SLC2A13: variants seen among roughly 807,000 people sequenced by gnomAD.
SLC2A13 encodes proton myo-inositol cotransporter.
Under a neutral mutation model 64.4 loss-of-function variants are expected in SLC2A13, and 32 were observed. The observed-to-expected ratio is 0.50, with a 90% CI of 0.37 to 0.67. SLC2A13 has a LOEUF of 0.67. Among genes scored for constraint, SLC2A13 ranks in the 30% least tolerant of loss-of-function variants. The pLI, the probability that SLC2A13 is intolerant of heterozygous loss-of-function variation, is 0.00. For missense variants in SLC2A13, 743 were observed against 829.2 expected (o/e 0.90, Z 1.28); for synonymous variants, 338 against 327.1 (o/e 1.03, Z -0.36).
chr12:40,094,285 A>C (rs1938865064), intron 1 of SLC2A13, among the ~76,000 whole-genome samples: 1 of 152,178 alleles, frequency 6.6e-6, no homozygotes, highest in South Asian at 2.1e-4. Context: ...GCTGAAATCT[A>C]GATTTGGGAG....
intron 4 of SLC2A13, among the ~76,000 whole-genome samples, chr12:39,936,100 A>G (rs1772861963): frequency 6.6e-6 from 1 of 152,236 alleles, no homozygotes; most frequent in African/African-American, 2.4e-5. Context: ...AAGATGAGAC[A>G]TAATTGATTT....
chr12:39,878,640 G>C (rs190588590), intron 4 of SLC2A13, among the ~76,000 whole-genome samples: 48 of 152,334 alleles, frequency 3.2e-4, no homozygotes, highest in African/African-American at 1.1e-3. Flanking sequence ...ATCCTCAGAT[G>C]AGGGAGAAAA....
At chr12:39,872,612 G>C (rs1275689506) in intron 4 of SLC2A13, among the ~76,000 whole-genome samples, 2 of 152,324 alleles carry the variant, frequency 1.3e-5, no homozygotes, top group East Asian at 3.9e-4. Context: ...GAACTCACTG[G>C]AGACTGGCTT....
chr12:39,895,342 T>G (rs1388905924), intron 4 of SLC2A13, among the ~76,000 whole-genome samples: 1 of 151,184 alleles, frequency 6.6e-6, no homozygotes, highest in Non-Finnish European at 1.5e-5. Flanking sequence ...TACAAAAAAT[T>G]AGCCGGGCTT....
At chr12:40,015,000 G>A (rs1947599989) in intron 3 of SLC2A13, among the ~76,000 whole-genome samples, 1 of 152,078 alleles carries the variant, frequency 6.6e-6, no homozygotes, top group South Asian at 2.1e-4. Flanking sequence ...ACATCTTGTA[G>A]GTACGTCTCT....
chr12:39,927,115 T>C (rs957699893), intron 4 of SLC2A13, among the ~76,000 whole-genome samples: 1 of 152,180 alleles, frequency 6.6e-6, no homozygotes, highest in Non-Finnish European at 1.5e-5. Context: ...CTAAGTATTT[T>C]AAACAGATAA....
At chr12:39,941,310 A>G (rs563555705) in intron 4 of SLC2A13, among the ~76,000 whole-genome samples, 36 of 152,302 alleles carry the variant, frequency 2.4e-4, no homozygotes, top group South Asian at 1.2e-3. Context: ...GCTGGATCAA[A>G]TGGTAGTTCT....
intron 3 of SLC2A13, among the ~76,000 whole-genome samples, chr12:39,971,983 G>GGAAAAAAA (rs1946653695): frequency 2.1e-5 from 2 of 95,808 alleles, no homozygotes; most frequent in Admixed American, 1.4e-4. Flanking sequence ...AGTGTCTCCA[G>GGAAAAAAA]AAAAAAAAAA....
At chr12:39,840,441 T>G (rs553849562) in intron 6 of SLC2A13, among the ~76,000 whole-genome samples, 9 of 152,014 alleles carry the variant, frequency 5.9e-5, no homozygotes, top group African/African-American at 2.2e-4. Context: ...AAAATCATAC[T>G]CCTTTTATGG....
intron 3 of SLC2A13, among the ~76,000 whole-genome samples, chr12:39,996,551 C>T (rs1329408473): frequency 6.6e-6 from 1 of 152,222 alleles, no homozygotes; most frequent in Non-Finnish European, 1.5e-5. Flanking sequence ...CATCACAGGC[C>T]AACAGGCCTA....
chr12:39,941,690 G>A (rs979999700), intron 4 of SLC2A13, among the ~76,000 whole-genome samples: 1 of 152,094 alleles, frequency 6.6e-6, no homozygotes, highest in African/African-American at 2.4e-5. Context: ...TGTATAGATT[G>A]TGAAGATTTT....
At chr12:39,790,384 C>T (rs1433936348) in intron 7 of SLC2A13, among the ~76,000 whole-genome samples, 1 of 125,078 alleles carries the variant, frequency 8.0e-6, no homozygotes, top group Non-Finnish European at 1.6e-5. Context: ...CCCCACCCCA[C>T]CACAGTCCCC....
Position 39,830,115 on chromosome 12 carries a change from G to C in SLC2A13, c.1433C>G (p.Ala478Gly). The C allele has an allele frequency of 6.2e-7, 1 of 1,613,638 alleles. No homozygotes were observed. The highest frequency in any genetic ancestry group is 1.1e-5 in the South Asian group (1 of 91,076). The change falls in exon 7 of 10, where the codon GCA becomes GGA. Residue 478 changes from alanine to glycine, a missense_variant. Ala to Gly is a moderately conservative substitution (Grantham distance 60). This residue lies in a region of SLC2A13 where 295 missense variants were observed against 381.7 expected (regional missense o/e 0.77). Transcript: ENST00000280871. ...VPVNKASTNE[A>G]AWGRCENETK... ...ATGAGTGATATACCTGCCCCAGGCTGCCTCATTTGTAGATGCTTTATTAAC... is the reference window on the plus strand; with the variant it reads ...ATGAGTGATATACCTGCCCCAGGCTCCCTCATTTGTAGATGCTTTATTAAC...
At chr12:40,008,504 G>A (rs1006659170) in intron 3 of SLC2A13, among the ~76,000 whole-genome samples, 6 of 152,000 alleles carry the variant, frequency 3.9e-5, no homozygotes, top group African/African-American at 1.2e-4. Flanking sequence ...CCAGCTACTC[G>A]AGAGGCTGAG....
intron 7 of SLC2A13, among the ~76,000 whole-genome samples, chr12:39,774,162 C>T (rs1419131026): frequency 3.3e-5 from 5 of 152,092 alleles, no homozygotes; most frequent in East Asian, 1.9e-4. Flanking sequence ...GTGGTGAAAA[C>T]GTACCTAGGA....
chr12:39,922,178 G>T (rs1466611618), intron 4 of SLC2A13, among the ~76,000 whole-genome samples: 2 of 152,094 alleles, frequency 1.3e-5, no homozygotes, highest in Non-Finnish European at 2.9e-5. Context: ...AACGCACAAA[G>T]AATCTCAGAA....
intron 7 of SLC2A13, among the ~76,000 whole-genome samples, chr12:39,818,645 T>C (rs1942405455): frequency 1.3e-5 from 2 of 152,194 alleles, no homozygotes; most frequent in East Asian, 3.8e-4. Context: ...CTAACTGTCC[T>C]AGCTGATGTC....
At chr12:39,927,044 A>T (rs1945742867) in intron 4 of SLC2A13, among the ~76,000 whole-genome samples, 1 of 152,182 alleles carries the variant, frequency 6.6e-6, no homozygotes, top group Non-Finnish European at 1.5e-5. Flanking sequence ...AATTTATAGT[A>T]CCTCCAGAAC....
chr12:39,789,566 A>C (rs1047567292), intron 7 of SLC2A13, among the ~76,000 whole-genome samples: 3 of 152,180 alleles, frequency 2.0e-5, no homozygotes, highest in African/African-American at 7.2e-5. Flanking sequence ...GGGAAAACAG[A>C]ATAAATAGAA....
Sources: allele counts gnomAD v4.1 joint callset (sites outside exome capture counted in the v4.1 genomes callset), GRCh38; gene constraint gnomAD v4.1.1; regional missense constraint gnomAD v4.1.1; transcripts MANE v1.5; gene names NCBI Gene and HGNC (gene_info 2026-07-23, HGNC 2026-07-21).